Variants in CACNA2D3 observed in about 807,000 individuals in gnomAD.
CACNA2D3 encodes calcium voltage-gated channel auxiliary subunit alpha2delta 3.
A neutral mutation model predicts 160.6 loss-of-function variants in CACNA2D3; 60 were observed. The observed-to-expected ratio is 0.37, with a 90% CI of 0.30 to 0.46. The LOEUF (loss-of-function observed/expected upper bound fraction) is 0.46. Among genes scored for constraint, CACNA2D3 ranks in the 20% least tolerant of loss-of-function variants. CACNA2D3 has a pLI of 1.00. For missense variants in CACNA2D3, 1,205 were observed against 1,365.0 expected, an observed-to-expected ratio of 0.88 and a Z score of 1.85; for synonymous variants, 558 against 492.9, an observed-to-expected ratio of 1.13 and a Z score of -1.75.
At chr3:54,313,757 C>A (rs925219220) in intron 2 of CACNA2D3, among the ~76,000 whole-genome samples, 1 of 150,312 alleles carries the variant, frequency 6.7e-6, no homozygotes, top group Non-Finnish European at 1.5e-5. Flanking sequence ...CCACCCCCAG[C>A]CTTGTCGTCC....
At chr3:54,269,454 G>C (rs1031931720) in intron 2 of CACNA2D3, among the ~76,000 whole-genome samples, 1 of 152,118 alleles carries the variant, frequency 6.6e-6, no homozygotes, top group African/African-American at 2.4e-5. Flanking sequence ...AGCACTTACT[G>C]TGTACTGCAT....
chr3:54,247,712 G>C (rs986995411), intron 2 of CACNA2D3, among the ~76,000 whole-genome samples: 1 of 152,092 alleles, frequency 6.6e-6, no homozygotes, highest in Non-Finnish European at 1.5e-5. Context: ...AACTAAAGCA[G>C]GAAACCACAA....
chr3:54,361,469 G>C (rs1381408323), intron 3 of CACNA2D3, among the ~76,000 whole-genome samples: 4 of 152,164 alleles, frequency 2.6e-5, no homozygotes, highest in Non-Finnish European at 5.9e-5. Context: ...ATCCACTTTA[G>C]TTTTTTCATT....
At chr3:54,491,495 C>T (rs984704918) in intron 4 of CACNA2D3, among the ~76,000 whole-genome samples, 7 of 152,152 alleles carry the variant, frequency 4.6e-5, no homozygotes, top group African/African-American at 1.7e-4. Context: ...GCTGCTTGGA[C>T]CTCTGTCCAG....
chr3:54,305,838 A>G (rs891803882), intron 2 of CACNA2D3, among the ~76,000 whole-genome samples: 8 of 152,234 alleles, frequency 5.3e-5, no homozygotes, highest in Non-Finnish European at 8.8e-5. Context: ...GTAGATGACA[A>G]GCCACAGCAG....
chr3:54,920,972 C>T (rs1015101440), intron 27 of CACNA2D3, among the ~76,000 whole-genome samples: 18 of 152,192 alleles, frequency 1.2e-4, no homozygotes, highest in Non-Finnish European at 2.2e-4. Flanking sequence ...AAGGCAGGGG[C>T]TATGGCTGCC....
intron 4 of CACNA2D3, among the ~76,000 whole-genome samples, chr3:54,431,710 G>A (rs181570444): frequency 7.9e-5 from 12 of 152,210 alleles, no homozygotes; most frequent in Non-Finnish European, 1.3e-4. Context: ...TCTCCTGGGC[G>A]GATTCTTGTG....
chr3:54,402,188 C>G (rs537757810), intron 4 of CACNA2D3, among the ~76,000 whole-genome samples: 1 of 151,472 alleles, frequency 6.6e-6, no homozygotes, highest in African/African-American at 2.4e-5. Context: ...TACTAGATTA[C>G]AAAGATAAAA....
chr3:54,652,998 G>A (rs1243963545), intron 11 of CACNA2D3, among the ~76,000 whole-genome samples: 3 of 152,030 alleles, frequency 2.0e-5, no homozygotes, highest in African/African-American at 7.2e-5. Flanking sequence ...GGTCAGGCTG[G>A]TCTTGAACTC....
At chr3:54,802,283 G>A (rs1313604053) in intron 13 of CACNA2D3, among the ~76,000 whole-genome samples, 1 of 152,132 alleles carries the variant, frequency 6.6e-6, no homozygotes, top group Non-Finnish European at 1.5e-5. Context: ...GGCACTCATG[G>A]GAAAGCTGGG....
intron 2 of CACNA2D3, among the ~76,000 whole-genome samples, chr3:54,142,679 A>C (rs1358572525): frequency 6.6e-6 from 1 of 152,114 alleles, no homozygotes; most frequent in Admixed American, 6.5e-5. Flanking sequence ...AAGACATATT[A>C]CCTCACTAAA....
At chr3:54,532,845 A>G (rs6445688) in intron 5 of CACNA2D3, among the ~76,000 whole-genome samples, 148,375 of 152,302 alleles carry the variant, frequency 0.97, 72,401 homozygotes, top group Middle Eastern at 1. Context: ...TCAAATGATA[A>G]CTCTATTTTC....
At chr3:54,334,864 A>G (rs542704134) in intron 3 of CACNA2D3, among the ~76,000 whole-genome samples, 159 of 152,334 alleles carry the variant, frequency 1.0e-3, no homozygotes, top group Non-Finnish European at 1.7e-3. Context: ...TGGTTTGGGC[A>G]CCAAACTCAC....
At chr3:54,356,800 T>A (rs1282260574) in intron 3 of CACNA2D3, among the ~76,000 whole-genome samples, 10 of 152,252 alleles carry the variant, frequency 6.6e-5, no homozygotes, top group Non-Finnish European at 1.5e-4. Context: ...TCCTCCATCA[T>A]CAGTGTTTTT....
chr3:54,264,026 A>G (rs183640233), intron 2 of CACNA2D3, among the ~76,000 whole-genome samples: 27 of 152,284 alleles, frequency 1.8e-4, no homozygotes, highest in Admixed American at 1.1e-3. Flanking sequence ...TTACATCCAT[A>G]CAGGCAGAAG....
At position 54,838,641 on chromosome 3, in the gene CACNA2D3, A is replaced by C; in HGVS notation, c.1544A>C (p.Lys515Thr). The C allele has an allele frequency of 6.2e-7, 1 of 1,608,066 alleles. No individual in the cohort carries two copies. Among genetic ancestry groups the C allele is most frequent in the Non-Finnish European group, 8.5e-7 (1 of 1,174,494 alleles). The stretch of plus-strand genomic sequence containing the variant: ...AAAGAACTTCTGAAGACCATCCCCA[A>C]ATACAAGGTAATGAATGACCTAATC... ...PVKELLKTIP[K>T]YKLGIHGYAF... The change falls in exon 16 of 38, where the codon AAA becomes ACA. Residue 515 changes from lysine to threonine, a missense_variant. Physicochemically the swap from Lys to Thr is moderately conservative, Grantham distance 78. Around this residue, in one of 3 missense-constraint regions of CACNA2D3, gnomAD observed 911 missense variants for 1,002.2 expected, o/e 0.91. Transcript: ENST00000474759.
At chr3:54,777,116 A>G (rs934243607) in intron 13 of CACNA2D3, among the ~76,000 whole-genome samples, 1 of 152,166 alleles carries the variant, frequency 6.6e-6, no homozygotes, top group Non-Finnish European at 1.5e-5. Context: ...GTTACTGTAC[A>G]CAGGATTTTC....
chr3:54,736,037 ATATATATACACATACATATG>A (rs1559563537), intron 11 of CACNA2D3, among the ~76,000 whole-genome samples: 55 of 47,140 alleles, frequency 1.2e-3, no homozygotes, highest in Admixed American at 3.4e-3. Flanking sequence ...ATATATATGT[ATATATATACACATACATATG>A]TATGTATATA....
At chr3:54,317,053 G>A (rs1325074036) in intron 2 of CACNA2D3, among the ~76,000 whole-genome samples, 1 of 152,158 alleles carries the variant, frequency 6.6e-6, no homozygotes, top group East Asian at 1.9e-4. Context: ...CTTGAACTTT[G>A]TATTTTTGGT....
Sources: allele counts gnomAD v4.1 joint callset (sites outside exome capture counted in the v4.1 genomes callset), GRCh38; gene constraint gnomAD v4.1.1; regional missense constraint gnomAD v4.1.1; transcripts MANE v1.5; gene names NCBI Gene and HGNC (gene_info 2026-07-23, HGNC 2026-07-21).